The following PTPRD variants were observed in gnomAD, a reference collection of about 807,000 sequenced individuals.
The protein encoded by PTPRD is protein tyrosine phosphatase receptor type D, also known as receptor-type tyrosine-protein phosphatase delta.
Under a neutral mutation model 214.5 loss-of-function variants are expected in PTPRD, and 34 were observed. The observed-to-expected ratio is 0.16, with a 90% CI of 0.12 to 0.21. PTPRD has a LOEUF of 0.21. Ranked by LOEUF, PTPRD falls within the 10% of genes least tolerant of loss-of-function variation. The pLI is 1.00. For synonymous variants in PTPRD, 1,128 were observed against 845.7 expected, an observed-to-expected ratio of 1.33 and a Z score of -5.79; for missense variants, 2,545 against 2,398.7, an observed-to-expected ratio of 1.06 and a Z score of -1.27.
chr9:10,333,257 T>G lies in PTPRD; in HGVS notation c.-545+7706A>C, dbSNP rs532956088. Among the ~76,000 whole-genome samples, 3 of 151,848 alleles carry G rather than the reference T, an allele frequency of 2.0e-5. No individual in the cohort carries two copies. In the South Asian group the frequency reaches 6.2e-4, roughly 32 times the overall value. ...AGAAAATTCAGTAAGCAGATCTCCC[T>G]GAAAGGGGGGTTGAAGTCACCCAGG... On this transcript the variant is annotated intron_variant, in intron 3 of 45. Transcript: ENST00000381196.
chr9:8,703,022 C>G (rs2098124224), intron 12 of PTPRD, among the ~76,000 whole-genome samples: 1 of 152,180 alleles, frequency 6.6e-6, no homozygotes, highest in South Asian at 2.1e-4. Flanking sequence ...TTCATAAAGA[C>G]AATTTCCAAT....
intron 39 of PTPRD, among the ~76,000 whole-genome samples, chr9:8,343,331 T>C (rs1444470845): frequency 1.3e-5 from 2 of 152,056 alleles, no homozygotes; most frequent in Admixed American, 6.6e-5. Flanking sequence ...TGAATACTGA[T>C]GCCAAGAATC....
intron 2 of PTPRD, among the ~76,000 whole-genome samples, chr9:10,506,161 T>C (rs969323978): frequency 1.3e-5 from 2 of 152,134 alleles, no homozygotes; most frequent in Admixed American, 6.6e-5. Context: ...GAAGAACAGA[T>C]GGGTAAGGGG....
chr9:8,782,064 TGGTATAAAA>T (rs2095728064), intron 11 of PTPRD, among the ~76,000 whole-genome samples: 1 of 106,212 alleles, frequency 9.4e-6, no homozygotes, highest in Non-Finnish European at 2.1e-5. Context: ...TTTACGTTTA[TGGTATAAAA>T]CATACCATAA....
intron 5 of PTPRD, among the ~76,000 whole-genome samples, chr9:9,869,714 G>T (rs10978049): frequency 0.044 from 6,629 of 151,920 alleles, 248 homozygotes; most frequent in Non-Finnish European, 0.068. Context: ...AAGCCTGCAG[G>T]AAAATCTAGA....
intron 3 of PTPRD, among the ~76,000 whole-genome samples, chr9:10,288,595 C>T (rs549502567): frequency 6.6e-6 from 1 of 152,194 alleles, no homozygotes; most frequent in East Asian, 1.9e-4. Flanking sequence ...CCTCTAGAGG[C>T]CAGGAAAGAA....
At chr9:8,491,896 G>A (rs1041488423) in intron 27 of PTPRD, among the ~76,000 whole-genome samples, 4 of 152,152 alleles carry the variant, frequency 2.6e-5, no homozygotes, top group South Asian at 2.1e-4. Context: ...GAAGTGATTC[G>A]GGCAGAGTAA....
chr9:9,585,438 T>C (rs1401467352), intron 7 of PTPRD, among the ~76,000 whole-genome samples: 2 of 152,134 alleles, frequency 1.3e-5, no homozygotes, highest in Non-Finnish European at 2.9e-5. Flanking sequence ...CCTGAATGTA[T>C]TTCTGGCCTA....
At chr9:10,170,616 G>T (rs921430723) in intron 3 of PTPRD, among the ~76,000 whole-genome samples, 1 of 152,138 alleles carries the variant, frequency 6.6e-6, no homozygotes, top group African/African-American at 2.4e-5. Flanking sequence ...GAACCCGGGA[G>T]GCGGAGCTTG....
At chr9:10,085,910 GTC>G (rs2098329936) in intron 3 of PTPRD, among the ~76,000 whole-genome samples, 1 of 151,782 alleles carries the variant, frequency 6.6e-6, no homozygotes, top group African/African-American at 2.4e-5. Flanking sequence ...CTCTATGAAA[GTC>G]TCTGATCCAT....
intron 11 of PTPRD, among the ~76,000 whole-genome samples, chr9:8,837,306 C>T (rs1006077155): frequency 5.3e-5 from 8 of 151,972 alleles, no homozygotes; most frequent in African/African-American, 1.2e-4. Context: ...TGAGCCACTG[C>T]GCCTGACAAG....
chr9:10,129,553 C>G (rs1412796415), intron 3 of PTPRD, among the ~76,000 whole-genome samples: 4 of 144,684 alleles, frequency 2.8e-5, no homozygotes, highest in East Asian at 2.0e-4. Flanking sequence ...GGTTCCTTCT[C>G]CATTGTCTAC....
chr9:9,600,243 T>C (rs1194796789), intron 7 of PTPRD, among the ~76,000 whole-genome samples: 1 of 152,090 alleles, frequency 6.6e-6, no homozygotes, highest in Non-Finnish European at 1.5e-5. Flanking sequence ...AACTTTGCAG[T>C]TGGAACTTAA....
intron 2 of PTPRD, among the ~76,000 whole-genome samples, chr9:10,486,548 T>C (rs1269396327): frequency 5.3e-5 from 8 of 152,190 alleles, no homozygotes; most frequent in Admixed American, 2.0e-4. Context: ...ATATGTCTTC[T>C]TAGTTTCTTT....
chr9:9,443,431 G>C (rs951231744), intron 8 of PTPRD, among the ~76,000 whole-genome samples: 3 of 152,172 alleles, frequency 2.0e-5, no homozygotes, highest in Non-Finnish European at 4.4e-5. Context: ...GAAATATAAA[G>C]TCTGTTTTTG....
intron 8 of PTPRD, among the ~76,000 whole-genome samples, chr9:9,419,732 C>A (rs1349971835): frequency 6.6e-6 from 1 of 151,600 alleles, no homozygotes; most frequent in Non-Finnish European, 1.5e-5. Context: ...TTACAATTTG[C>A]CTTCATTATT....
chr9:9,874,081 G>C (rs1020224528), intron 5 of PTPRD, among the ~76,000 whole-genome samples: 1 of 152,096 alleles, frequency 6.6e-6, no homozygotes, highest in Non-Finnish European at 1.5e-5. Flanking sequence ...ACATTTTAAA[G>C]GACCTTGCCC....
intron 2 of PTPRD, among the ~76,000 whole-genome samples, chr9:10,360,641 T>C (rs944217863): frequency 3.9e-5 from 6 of 152,352 alleles, no homozygotes; most frequent in African/African-American, 1.4e-4. Context: ...TAATATTTTT[T>C]TGAATCCCTT....
chr9:9,422,185 T>A (rs1018015869), intron 8 of PTPRD, among the ~76,000 whole-genome samples: 10 of 152,086 alleles, frequency 6.6e-5, no homozygotes, highest in African/African-American at 2.4e-4. Context: ...ATAAGTACAA[T>A]TATTATCTTT....
Sources: allele counts gnomAD v4.1 joint callset (sites outside exome capture counted in the v4.1 genomes callset), GRCh38; gene constraint gnomAD v4.1.1; transcripts MANE v1.5; gene names NCBI Gene and HGNC (gene_info 2026-07-23, HGNC 2026-07-21).